B3GALT1: variants seen among roughly 807,000 people sequenced by gnomAD.
B3GALT1 encodes UDP-Gal:betaGlcNAc beta 1,3-galactosyltransferase, polypeptide 1.
In B3GALT1, 10 loss-of-function variants were observed where a neutral mutation model predicts 23.2. That is an observed-to-expected ratio of 0.43 (90% confidence interval 0.27 to 0.73). The LOEUF (loss-of-function observed/expected upper bound fraction) is 0.73. Among genes scored for constraint, B3GALT1 ranks in the 30% least tolerant of loss-of-function variants. The pLI is 0.21. For synonymous variants in B3GALT1, 156 were observed against 141.5 expected, an observed-to-expected ratio of 1.10 and a Z score of -0.73; for missense variants, 299 against 405.4, an observed-to-expected ratio of 0.74 and a Z score of 2.25.
At chr2:167,683,421 A>G (rs1221483894) in intron 3 of B3GALT1, among the ~76,000 whole-genome samples, 1 of 152,218 alleles carries the variant, frequency 6.6e-6, no homozygotes, top group African/African-American at 2.4e-5. Context: ...GTATGAAGTC[A>G]TAGCCCAGAT....
intron 4 of B3GALT1, among the ~76,000 whole-genome samples, chr2:167,842,772 G>C (rs1210627524): frequency 6.6e-6 from 1 of 152,072 alleles, no homozygotes; most frequent in Non-Finnish European, 1.5e-5. Flanking sequence ...TGCTTGGAAG[G>C]CTGAGGCGGG....
intron 1 of B3GALT1, among the ~76,000 whole-genome samples, chr2:167,364,220 AC>A (rs2105264991): frequency 6.6e-6 from 1 of 150,468 alleles, no homozygotes; most frequent in South Asian, 2.1e-4. Flanking sequence ...CAGCACCTCT[AC>A]CATTCTGCAC....
At chr2:167,803,523 G>A (rs1459877025) in intron 3 of B3GALT1, among the ~76,000 whole-genome samples, 4 of 152,138 alleles carry the variant, frequency 2.6e-5, no homozygotes, top group African/African-American at 7.2e-5. Flanking sequence ...CATGTTGTTG[G>A]ATTCTGGATG....
intron 2 of B3GALT1, among the ~76,000 whole-genome samples, chr2:167,547,420 G>A (rs1574130145): frequency 6.6e-6 from 1 of 152,122 alleles, no homozygotes; most frequent in East Asian, 1.9e-4. Flanking sequence ...CAGAGGGCCG[G>A]GCGCGGTGGC....
At chr2:167,605,179 A>G (rs1684941479) in intron 2 of B3GALT1, among the ~76,000 whole-genome samples, 1 of 152,242 alleles carries the variant, frequency 6.6e-6, no homozygotes. Flanking sequence ...CAAAGAAAGA[A>G]ACATCAACAT....
chr2:167,861,821 A>G (rs1271191082), intron 4 of B3GALT1, among the ~76,000 whole-genome samples: 1 of 152,136 alleles, frequency 6.6e-6, no homozygotes, highest in Non-Finnish European at 1.5e-5. Flanking sequence ...AATCTACTTC[A>G]TTTGTAGATT....
chr2:167,634,693 T>C (rs1030571565), intron 2 of B3GALT1, among the ~76,000 whole-genome samples: 2 of 152,048 alleles, frequency 1.3e-5, no homozygotes, highest in Admixed American at 1.3e-4. Flanking sequence ...AGTTCTGAAA[T>C]TGGGGCAGCA....
intron 2 of B3GALT1, among the ~76,000 whole-genome samples, chr2:167,584,624 C>G (rs754157460): frequency 6.6e-6 from 1 of 152,162 alleles, no homozygotes; most frequent in Non-Finnish European, 1.5e-5. Flanking sequence ...TAATCGCAAG[C>G]CCTAAGTTGT....
intron 3 of B3GALT1, among the ~76,000 whole-genome samples, chr2:167,766,993 T>G (rs971959144): frequency 6.6e-6 from 1 of 152,312 alleles, no homozygotes; most frequent in South Asian, 2.1e-4. Flanking sequence ...GTCTTCAGGA[T>G]TGTACTGGGA....
chr2:167,775,439 C>A (rs973750975), intron 3 of B3GALT1, among the ~76,000 whole-genome samples: 1 of 151,606 alleles, frequency 6.6e-6, no homozygotes, highest in Non-Finnish European at 1.5e-5. Flanking sequence ...TGTGGTGGCG[C>A]GTGCCTGTAG....
intron 1 of B3GALT1, among the ~76,000 whole-genome samples, chr2:167,446,908 G>A (rs890088139): frequency 6.6e-6 from 1 of 152,100 alleles, no homozygotes; most frequent in Non-Finnish European, 1.5e-5. Flanking sequence ...CTGGTGAGGA[G>A]CTACGTTCCT....
intron 2 of B3GALT1, among the ~76,000 whole-genome samples, chr2:167,580,142 A>G (rs1409703553): frequency 2.0e-5 from 3 of 152,218 alleles, no homozygotes; most frequent in African/African-American, 4.8e-5. Flanking sequence ...GTGGTAAGCC[A>G]CAAATGGGCT....
rs116379879 is a variant in B3GALT1 at position 167,627,681 on chromosome 2, A to G, written c.-409-19228A>G. Among the ~76,000 whole-genome samples, 1,170 of 151,726 alleles carry G rather than the reference A, an allele frequency of 7.7e-3. 7 individuals carry two copies. The highest frequency in any genetic ancestry group is 9.1e-3 in the Non-Finnish European group (615 of 67,710). ...CTTATATCTTTTTTTATTTTGGGTA[A>G]AGACCTGGGAGTGGAACAACTGGGT... is the stretch of plus-strand genomic sequence containing the variant. On this transcript the variant is annotated intron_variant, in intron 2 of 4. Coordinates refer to ENST00000392690, the MANE Select transcript of B3GALT1 (RefSeq NM_020981.4).
intron 3 of B3GALT1, among the ~76,000 whole-genome samples, chr2:167,782,828 C>T (rs1688270774): frequency 6.6e-6 from 1 of 152,072 alleles, no homozygotes; most frequent in South Asian, 2.1e-4. Context: ...CCAAAGTCCC[C>T]TTGAAAGCCA....
chr2:167,487,480 C>T (rs985089896), intron 1 of B3GALT1, among the ~76,000 whole-genome samples: 1 of 152,230 alleles, frequency 6.6e-6, no homozygotes, highest in Admixed American at 6.5e-5. Flanking sequence ...GGTTAGCCTT[C>T]CTTAGAAGGC....
chr2:167,366,469 A>G (rs1386808435), intron 1 of B3GALT1, among the ~76,000 whole-genome samples: 2 of 152,194 alleles, frequency 1.3e-5, no homozygotes, highest in Non-Finnish European at 2.9e-5. Flanking sequence ...TGGGAACACC[A>G]ATAGCCAAGC....
intron 1 of B3GALT1, among the ~76,000 whole-genome samples, chr2:167,395,927 T>C (rs1698087667): frequency 6.6e-6 from 1 of 152,166 alleles, no homozygotes; most frequent in Non-Finnish European, 1.5e-5. Context: ...TTGTTTTGAC[T>C]TTTATCCAAA....
At chr2:167,677,633 G>A (rs1436180484) in intron 3 of B3GALT1, among the ~76,000 whole-genome samples, 1 of 152,116 alleles carries the variant, frequency 6.6e-6, no homozygotes, top group Admixed American at 6.5e-5. Context: ...CCTGCTAGGG[G>A]CAGTTCACCA....
chr2:167,317,311 C>T (rs1473102003), intron 1 of B3GALT1, among the ~76,000 whole-genome samples: 2 of 152,110 alleles, frequency 1.3e-5, no homozygotes, highest in Non-Finnish European at 2.9e-5. Flanking sequence ...GTGGACAAAT[C>T]AGGCTTTGAA....
Sources: gnomAD v4.1 joint callset for allele counts (sites outside exome capture counted in the v4.1 genomes callset) on GRCh38, gnomAD v4.1.1 for gene constraint, MANE v1.5 for transcripts, NCBI Gene and HGNC (gene_info 2026-07-23, HGNC 2026-07-21) for gene names.